SLC43A2: variants seen among roughly 807,000 people sequenced by gnomAD.
The protein encoded by SLC43A2 is large neutral amino acids transporter small subunit 4.
A neutral mutation model predicts 63.2 loss-of-function variants in SLC43A2; 38 were observed. That is an observed-to-expected ratio of 0.60 (90% CI 0.46 to 0.79). The LOEUF is 0.79. Among genes scored for constraint, SLC43A2 ranks in the 30% least tolerant of loss-of-function variants. The pLI, the probability that SLC43A2 is intolerant of heterozygous loss-of-function variation, is 0.00. For missense variants in SLC43A2, 644 were observed against 756.2 expected, an observed-to-expected ratio of 0.85 and a Z score of 1.74; for synonymous variants, 322 against 331.0, an observed-to-expected ratio of 0.97 and a Z score of 0.30.
intron 9 of SLC43A2, chr17:1,586,930 C>CCCCCCCCCCCCCCCCTCCCCCTTG: frequency 1.3e-6 from 1 of 783,192 alleles, no homozygotes; most frequent in Non-Finnish European, 2.0e-6. Context: ...CCTGACAATC[C>CCCCCCCCCCCCCCCCTCCCCCTTG]CCCCCACCCC....
At position 1,578,363 on chromosome 17, in the gene SLC43A2, G is replaced by C. The variant is rs2075964991; in HGVS notation, c.1351-40C>G. 10 of 1,596,776 alleles carry C rather than the reference G, an allele frequency of 6.3e-6. No individual in the cohort carries two copies. Among genetic ancestry groups the C allele is most frequent in the Non-Finnish European group, 8.6e-6 (10 of 1,167,396 alleles). Reference sequence around the variant, plus strand: ...GGCGACTGTGGGCATAAGGCCTTAAGGGACCGTCCCCTCAGCCCCCGCCCT... The same window carrying C: ...GGCGACTGTGGGCATAAGGCCTTAACGGACCGTCCCCTCAGCCCCCGCCCT... On this transcript the variant is annotated intron_variant, in intron 11 of 13. Transcript: ENST00000301335. This position sits in a 1 kb window ranked among gnomAD's most constrained non-coding sequence, Gnocchi z 6.5.
intron 2 of SLC43A2, among the ~76,000 whole-genome samples, 153 bp downstream of exon 2, chr17:1,627,562 C>G (rs1030604585): frequency 6.6e-6 from 1 of 152,116 alleles, no homozygotes; most frequent in Non-Finnish European, 1.5e-5. Context: ...GACAAGTACC[C>G]GGCAGGGCTG....
intron 5 of SLC43A2, among the ~76,000 whole-genome samples, chr17:1,598,098 G>T (rs144889763): frequency 6.6e-6 from 1 of 152,266 alleles, no homozygotes; most frequent in South Asian, 2.1e-4. Context: ...GTTCCTGCCC[G>T]GCATGCCAGC....
intron 2 of SLC43A2, among the ~76,000 whole-genome samples, chr17:1,618,517 C>T (rs567384129): frequency 2.0e-5 from 3 of 152,186 alleles, no homozygotes; most frequent in Admixed American, 2.0e-4. Flanking sequence ...GGCACAGAGC[C>T]GGATGCAGTG....
chr17:1,594,356 G>A (rs1441244305), intron 5 of SLC43A2, among the ~76,000 whole-genome samples: 2 of 152,100 alleles, frequency 1.3e-5, no homozygotes, highest in Admixed American at 6.6e-5. Flanking sequence ...CCAGGCCTAG[G>A]GCAAACTACA....
chr17:1,623,049 T>C (rs35986054), intron 2 of SLC43A2, among the ~76,000 whole-genome samples: 26,103 of 152,142 alleles, frequency 0.17, 2,359 homozygotes, highest in South Asian at 0.23. Flanking sequence ...GAGGTTACAG[T>C]GAGCCGAGAC....
intron 3 of SLC43A2, among the ~76,000 whole-genome samples, chr17:1,615,915 C>T (rs556597080): frequency 6.7e-6 from 1 of 150,052 alleles, no homozygotes; most frequent in East Asian, 1.9e-4. Flanking sequence ...TGGTGGCAGG[C>T]GCCTGTAATC....
chr17:1,595,592 T>C (rs6502816), intron 5 of SLC43A2, among the ~76,000 whole-genome samples: 81,753 of 151,942 alleles, frequency 0.54, 23,539 homozygotes, highest in African/African-American at 0.73. Context: ...ACCACAGGTG[T>C]GCACCACCAT....
intron 1 of SLC43A2, among the ~76,000 whole-genome samples, 162 bp downstream of exon 1, chr17:1,628,632 C>T (rs1908914459): frequency 6.6e-6 from 1 of 152,334 alleles, no homozygotes. Context: ...ACCCCCGCGC[C>T]TCCATTCCCC....
intron 5 of SLC43A2, among the ~76,000 whole-genome samples, chr17:1,600,596 C>T (rs1297505909): frequency 7.7e-6 from 1 of 130,664 alleles, no homozygotes; most frequent in Non-Finnish European, 1.5e-5. Flanking sequence ...CTCTGTCATC[C>T]AGGCTGGAGT....
chr17:1,581,484 C>G (rs564757545), intron 11 of SLC43A2, among the ~76,000 whole-genome samples: 1 of 152,164 alleles, frequency 6.6e-6, no homozygotes, highest in African/African-American at 2.4e-5. Flanking sequence ...AGTGTTGGCA[C>G]GTACACACAA....
Position 1,579,776 on chromosome 17 carries a change from G to T in SLC43A2, c.1351-1453C>A, listed in dbSNP as rs2075984392. Among the ~76,000 whole-genome samples, 5 of 152,184 alleles carry T rather than the reference G, an allele frequency of 3.3e-5. No individual in the cohort carries two copies. In the South Asian group the frequency reaches 8.3e-4, roughly 25 times the overall value. ...CACCTGAGCTCGGGAAGTCAAGGCT[G>T]CAGTGAGCCAAGATCCCACCACTGC... On this transcript the variant is annotated intron_variant, in intron 11 of 13. Coordinates refer to ENST00000301335, the MANE Select transcript of SLC43A2 (RefSeq NM_152346.3).
chr17:1,585,436 G>A (rs564856284), intron 10 of SLC43A2: 14 of 327,480 alleles, frequency 4.3e-5, no homozygotes, highest in African/African-American at 1.9e-4. Flanking sequence ...AGTAGAGACC[G>A]GGTTTTACCA....
Position 1,575,363 on chromosome 17 carries a change from C to G in SLC43A2, c.*241G>C. The stretch of plus-strand genomic sequence containing the variant: ...CCACAGAGACCCCAGGCCCCGGGTC[C>G]CCGGGGGGCGGCAGAGCAAAGTCAG... On this transcript the variant is annotated 3_prime_UTR_variant, in exon 14 of 14. Transcript: ENST00000301335. 1 of 563,554 alleles carries G rather than the reference C, an allele frequency of 1.8e-6. No individual in the cohort carries two copies. Among genetic ancestry groups the G allele is most frequent in the South Asian group, 2.1e-5 (1 of 47,814 alleles). 34.9% of individuals were successfully genotyped at this position (563,554 alleles called of 1,614,324 possible). A position where few individuals can be genotyped will look rare whatever the true frequency, so the allele number is the denominator to read the frequency against.
At position 1,583,315 on chromosome 17, in the gene SLC43A2, C is replaced by T; in HGVS notation, c.1239G>A (p.Lys413=). 6.2e-7 allele frequency: 1 copy of T among 1,614,058 alleles called. No individual in the cohort carries two copies. Among genetic ancestry groups the T allele is most frequent in the Non-Finnish European group, 8.5e-7 (1 of 1,180,008 alleles). ...TGATCTTCTGGATCTGCCGGTCCCG[C>T]TTCTTCTTTTTCTTCTCGCCTCTGT... The part of the protein sequence containing the change: ...DANQGEKKKK[K]RDRQIQKITN... The change falls in exon 11 of 14, where the codon AAG becomes AAA. Residue 413 remains lysine (K), a synonymous_variant. Coordinates refer to ENST00000301335, the MANE Select transcript of SLC43A2 (RefSeq NM_152346.3). This position sits in a 1 kb window ranked among gnomAD's most constrained non-coding sequence, Gnocchi z 5.5.
rs2076044641 is a variant in SLC43A2, at chr17:1,583,054, G to A, written c.1350+150C>T. On this transcript the variant is annotated intron_variant, in intron 11 of 13. Coordinates refer to ENST00000301335, the MANE Select transcript of SLC43A2 (RefSeq NM_152346.3). The surrounding 1 kb of genome is among the most constrained non-coding windows in gnomAD (Gnocchi z 5.5). Reference sequence around the variant, plus strand: ...AGATCACACCACTGCACTCCAGCCTGAGCAACAGAGTTTGACTCTGTCTCA... The same window carrying A: ...AGATCACACCACTGCACTCCAGCCTAAGCAACAGAGTTTGACTCTGTCTCA... 2.3e-6 allele frequency: 2 copies of A among 869,044 alleles called. No individual in the cohort carries two copies. The highest frequency in any genetic ancestry group is 2.7e-5 in the East Asian group (1 of 37,550). 53.8% of individuals were successfully genotyped at this position (869,044 alleles called of 1,614,324 possible).
At chr17:1,616,069 A>C (rs1410110679) in intron 3 of SLC43A2, among the ~76,000 whole-genome samples, 1 of 150,756 alleles carries the variant, frequency 6.6e-6, no homozygotes, top group Admixed American at 6.6e-5. Flanking sequence ...AAAAGAGCAC[A>C]GATATACATC....
chr17:1,586,928 T>TTCC, intron 9 of SLC43A2: 45 of 1,232,894 alleles, frequency 3.6e-5, no homozygotes, highest in Admixed American at 2.4e-4. Context: ...TCCCTGACAA[T>TTCC]CCCCCCCACC....
chr17:1,587,603 T>C (rs998679476), intron 9 of SLC43A2, among the ~76,000 whole-genome samples: 1 of 152,194 alleles, frequency 6.6e-6, no homozygotes, highest in African/African-American at 2.4e-5. Flanking sequence ...CTAGAGGCCC[T>C]TGGCTGCTCC....
Sources: allele counts gnomAD v4.1 joint callset (sites outside exome capture counted in the v4.1 genomes callset), GRCh38; gene constraint gnomAD v4.1.1; non-coding constraint Gnocchi (gnomAD v3.1); transcripts MANE v1.5; gene names NCBI Gene and HGNC (gene_info 2026-07-23, HGNC 2026-07-21).